The following CEP85L variants were observed in gnomAD, a reference collection of about 807,000 sequenced individuals.
CEP85L encodes the protein centrosomal protein 85L.
In CEP85L, 60 loss-of-function variants were observed where a neutral mutation model predicts 100.3. The observed-to-expected ratio is 0.60, with a 90% CI of 0.49 to 0.74. CEP85L has a LOEUF of 0.74. CEP85L is among the 30% of genes least tolerant of loss of function. CEP85L has a pLI of 0.00. For missense variants in CEP85L, 973 were observed against 936.2 expected (o/e 1.04, Z -0.51); for synonymous variants, 319 against 322.7 (o/e 0.99, Z 0.12).
At chr6:118,704,081 T>C (rs1386214746) in intron 1 of CEP85L, among the ~76,000 whole-genome samples, 2 of 152,104 alleles carry the variant, frequency 1.3e-5, no homozygotes, top group Non-Finnish European at 2.9e-5. Context: ...GTAATATAAA[T>C]AAGCACACAC....
At chr6:118,577,832 G>A (rs1410582774) in intron 2 of CEP85L, among the ~76,000 whole-genome samples, 2 of 152,106 alleles carry the variant, frequency 1.3e-5, no homozygotes, top group Admixed American at 1.3e-4. Context: ...AAAATGGAAG[G>A]GACTCATAAC....
At chr6:118,676,763 A>G (rs1178945153) in intron 1 of CEP85L, among the ~76,000 whole-genome samples, 1 of 152,164 alleles carries the variant, frequency 6.6e-6, no homozygotes, top group East Asian at 1.9e-4. Flanking sequence ...AAGCCTCCAT[A>G]TTATTTTCCA....
At chr6:118,471,939 T>G (rs1334109763) in intron 10 of CEP85L, among the ~76,000 whole-genome samples, 1 of 151,928 alleles carries the variant, frequency 6.6e-6, no homozygotes, top group African/African-American at 2.4e-5. Context: ...ACAAGATTAT[T>G]TGGCTGGAAT....
Position 118,500,237 on chromosome 6 carries a change from T to G in CEP85L, c.1258-8372A>C, listed in dbSNP as rs1775194135. ...CAGAAGGATTGCTTGAGCCCAGGAG[T>G]TGGAGGCTGTAGTGAGCTACTGCTG... On this transcript the variant is annotated intron_variant, in intron 5 of 12. Transcript: ENST00000368491. 4.6e-5 allele frequency among the ~76,000 whole-genome samples: 7 copies of G among 151,558 alleles called. 1 individual carries two copies. Among genetic ancestry groups the G allele is most frequent in the Admixed American group, 4.6e-4 (7 of 15,246 alleles).
chr6:118,575,343 A>C (rs1463623381), intron 2 of CEP85L, among the ~76,000 whole-genome samples: 1 of 152,192 alleles, frequency 6.6e-6, no homozygotes, highest in Non-Finnish European at 1.5e-5. Flanking sequence ...ACCTACTCTC[A>C]AACATTCAGT....
At chr6:118,655,311 C>G (rs1355572789), upstream of CEP85L, among the ~76,000 whole-genome samples, 1 of 152,170 alleles carries the variant, frequency 6.6e-6, no homozygotes, top group Non-Finnish European at 1.5e-5. Flanking sequence ...ATATGGACCA[C>G]TGAAGCAGTC....
At chr6:118,547,164 A>C (rs1272543388) in intron 3 of CEP85L, among the ~76,000 whole-genome samples, 1 of 152,126 alleles carries the variant, frequency 6.6e-6, no homozygotes, top group Non-Finnish European at 1.5e-5. Context: ...AGATTTAAGA[A>C]TTAATATTTT....
Position 118,565,607 on chromosome 6 carries a change from T to C in CEP85L, c.942A>G (p.Thr314=), listed in dbSNP as rs1293781525. The C allele has an allele frequency of 2.5e-6, 4 of 1,614,116 alleles. No individual in the cohort carries two copies. Among genetic ancestry groups the C allele is most frequent in the South Asian group, 2.2e-5 (2 of 91,090 alleles). Residue 314 remains threonine (T), a synonymous_variant, in exon 3 of 13, where the codon ACA becomes ACG. Coordinates refer to ENST00000368491, the MANE Select transcript of CEP85L (RefSeq NM_001042475.3). The part of the protein sequence containing the change: ...LRTNPLEGRN[T]EDSYSLAPWQ... Reference sequence around the variant, plus strand: ...AAGGAGCTAAACTGTAAGAATCCTCTGTATTTCTACCTTCCAAAGGATTTG... The same window carrying C: ...AAGGAGCTAAACTGTAAGAATCCTCCGTATTTCTACCTTCCAAAGGATTTG...
In CEP85L at chr6:118,651,421, G is replaced by A. The variant is rs1261166934; in HGVS notation, c.-152C>T. 4.5e-6 allele frequency: 6 copies of A among 1,342,484 alleles called. No individual in the cohort carries two copies. Among genetic ancestry groups the A allele is most frequent in the Admixed American group, 4.0e-5 (1 of 24,854 alleles). The allele number at this position is 1,342,484 out of a possible 1,614,324, so 83.2% of individuals were successfully genotyped here. The stretch of plus-strand genomic sequence containing the variant: ...GGCTGGTTAACGGCTGCTCAGCTAC[G>A]GGCGGGGAGCGCAGGGGCCAGATTC... On this transcript the variant is annotated 5_prime_UTR_variant, in exon 1 of 13. Coordinates refer to ENST00000368491, the MANE Select transcript of CEP85L (RefSeq NM_001042475.3).
In CEP85L at chr6:118,460,853, T is replaced by A. The variant is rs1390001721; in HGVS notation, c.*4552A>T. 6.6e-6 allele frequency: 1 copy of A among 152,180 alleles called. No individual in the cohort carries two copies. The highest frequency in any genetic ancestry group is 2.1e-4 in the South Asian group (1 of 4,834). The allele number at this position is 152,180 out of a possible 1,614,324, so 9.4% of individuals were successfully genotyped here. On this transcript the variant is annotated 3_prime_UTR_variant, in exon 13 of 13. Transcript: ENST00000368491. Reference sequence around the variant, plus strand: ...TAGTCCAGTGGAAAAATACTAGCCATTAACATTGAAAACTTTTTTCTTAAT... The same window carrying A: ...TAGTCCAGTGGAAAAATACTAGCCAATAACATTGAAAACTTTTTTCTTAAT...
chr6:118,560,223 C>G (rs775287766), intron 3 of CEP85L: 1 of 166,906 alleles, frequency 6.0e-6, no homozygotes, highest in African/African-American at 2.4e-5. Context: ...TTCGTGGGTC[C>G]GCAAAATCTT....
intron 3 of CEP85L, among the ~76,000 whole-genome samples, chr6:118,545,494 A>T (rs1778143072): frequency 6.6e-6 from 1 of 152,178 alleles, no homozygotes; most frequent in South Asian, 2.1e-4. Context: ...AGGCTGAGGC[A>T]GGAGAATCGC....
At chr6:118,674,480 C>T (rs776149958) in intron 1 of CEP85L, among the ~76,000 whole-genome samples, 6 of 151,124 alleles carry the variant, frequency 4.0e-5, no homozygotes, top group African/African-American at 7.3e-5. Flanking sequence ...GCCGAGATTG[C>T]GCCACTGTAC....
At chr6:118,488,842 A>G (rs1290559016) in intron 6 of CEP85L, among the ~76,000 whole-genome samples, 1 of 152,264 alleles carries the variant, frequency 6.6e-6, no homozygotes, top group Non-Finnish European at 1.5e-5. Flanking sequence ...GAGAACTCCA[A>G]TAAGACTATG....
intron 2 of CEP85L, among the ~76,000 whole-genome samples, chr6:118,594,439 A>G (rs1781355937): frequency 6.6e-6 from 1 of 152,250 alleles, no homozygotes; most frequent in Admixed American, 6.5e-5. Context: ...TAGGTTAATT[A>G]GATAAGAAAA....
intron 1 of CEP85L, among the ~76,000 whole-genome samples, chr6:118,642,434 A>G (rs1774937613): frequency 6.6e-6 from 1 of 152,256 alleles, no homozygotes; most frequent in Non-Finnish European, 1.5e-5. Flanking sequence ...ATTCTAGGCC[A>G]GAAGAAAGTA....
intron 7 of CEP85L, among the ~76,000 whole-genome samples, chr6:118,482,299 A>C (rs1773849777): frequency 6.6e-6 from 1 of 152,172 alleles, no homozygotes; most frequent in Non-Finnish European, 1.5e-5. Flanking sequence ...TTGTGCAACT[A>C]ATCTCCAGAA....
intron 1 of CEP85L, among the ~76,000 whole-genome samples, chr6:118,647,502 C>T (rs959350340): frequency 7.2e-5 from 11 of 152,130 alleles, no homozygotes; most frequent in East Asian, 5.8e-4. Flanking sequence ...GCTGGGATTA[C>T]AGGCGCACGC....
At chr6:118,511,905 A>G (rs1041042852) in intron 4 of CEP85L, among the ~76,000 whole-genome samples, 2 of 152,014 alleles carry the variant, frequency 1.3e-5, no homozygotes, top group African/African-American at 4.8e-5. Context: ...TAAATAGGAG[A>G]TAAGTCAGGA....
Sources: gnomAD v4.1 joint callset for allele counts (sites outside exome capture counted in the v4.1 genomes callset) on GRCh38, gnomAD v4.1.1 for gene constraint, MANE v1.5 for transcripts, NCBI Gene and HGNC (gene_info 2026-07-23, HGNC 2026-07-21) for gene names.